Variants in SREK1IP1 observed in about 807,000 individuals in gnomAD.
SREK1IP1 encodes the protein SREK1 interacting protein 1.
SREK1IP1 carries 12 observed loss-of-function variants against 22.8 expected under a neutral mutation model. The ratio of observed to expected loss-of-function variants is 0.53; its 90% confidence interval spans 0.34 to 0.85. The LOEUF is 0.85. Among genes scored for constraint, SREK1IP1 ranks in the 40% least tolerant of loss-of-function variants. The pLI, the probability that SREK1IP1 is intolerant of heterozygous loss-of-function variation, is 0.02. For synonymous variants in SREK1IP1, 53 were observed against 52.7 expected (o/e 1.01, Z -0.02); for missense variants, 147 against 171.8 (o/e 0.86, Z 0.81).
rs1742173186 is a variant in SREK1IP1 at position 64,722,139 on chromosome 5, A to G, written c.*2245T>C. 1 of 152,176 alleles carries G rather than the reference A, an allele frequency of 6.6e-6. No individual in the cohort carries two copies. Among genetic ancestry groups the G allele is most frequent in the Non-Finnish European group, 1.5e-5 (1 of 68,018 alleles). 9.4% of individuals were successfully genotyped at this position (152,176 alleles called of 1,614,324 possible). On this transcript the variant is annotated 3_prime_UTR_variant, in exon 5 of 5. Coordinates refer to ENST00000513458, the MANE Select transcript of SREK1IP1 (RefSeq NM_173829.4). ...AAGAAAATTACTTCAGTGAAAATAA[A>G]TTTTTATTCAATTTCATAAACTATG...
At chr5:64,739,194 C>T (rs1742513892) in intron 3 of SREK1IP1, among the ~76,000 whole-genome samples, 1 of 152,078 alleles carries the variant, frequency 6.6e-6, no homozygotes, top group Admixed American at 6.6e-5. Context: ...CTTTCTGGGA[C>T]TCATTTGAGT....
In SREK1IP1 at chr5:64,722,102, A is replaced by G. The variant is rs1226995824; in HGVS notation, c.*2282T>C. The G allele has an allele frequency of 6.6e-6, 1 of 152,226 alleles. No individual in the cohort carries two copies. The highest frequency in any genetic ancestry group is 1.9e-4 in the East Asian group (1 of 5,198). The allele number at this position is 152,226 out of a possible 1,614,324, so 9.4% of individuals were successfully genotyped here. A position where few individuals can be genotyped will look rare whatever the true frequency, so the allele number is the denominator to read the frequency against. On this transcript the variant is annotated 3_prime_UTR_variant, in exon 5 of 5. Transcript: ENST00000513458. The stretch of plus-strand genomic sequence containing the variant: ...AGATTTGCATCCAATCTCAATAATA[A>G]TATCATATTAGAAGAAAATTACTTC...
intron 1 of SREK1IP1, among the ~76,000 whole-genome samples, chr5:64,763,828 T>C (rs1742992601): frequency 6.6e-6 from 1 of 152,206 alleles, no homozygotes; most frequent in East Asian, 1.9e-4. Context: ...TGGGCCACAC[T>C]TGCACTGTAC....
At chr5:64,749,451 C>A (rs1423482215) in intron 2 of SREK1IP1, among the ~76,000 whole-genome samples, 2 of 146,216 alleles carry the variant, frequency 1.4e-5, no homozygotes, top group Non-Finnish European at 3.0e-5. Context: ...TTTTTTTTTC[C>A]TTTGAGAGAG....
chr5:64,720,530 T>TA lies in SREK1IP1; in HGVS notation c.*3853dup, dbSNP rs1192475602. 2 of 147,354 alleles carry TA rather than the reference T, an allele frequency of 1.4e-5. No homozygotes were observed. Among genetic ancestry groups the TA allele is most frequent in the African/African-American group, 5.2e-5 (2 of 38,560 alleles). 9.1% of individuals were successfully genotyped at this position (147,354 alleles called of 1,614,324 possible). On this transcript the variant is annotated 3_prime_UTR_variant, in exon 5 of 5. Transcript: ENST00000513458. The stretch of plus-strand genomic sequence containing the variant: ...TTAAAATCTTTTTTTTTTTTTGAGA[T>TA]AGAGTCTCGCTCTGTCGCCCAGGCT...
rs1743113951 is a variant in SREK1IP1 at position 64,768,617 on chromosome 5, TC to T, written c.-101del. The T allele has an allele frequency of 2.6e-6, 4 of 1,568,376 alleles. No individual in the cohort carries two copies. In the African/African-American group the frequency reaches 4.1e-5, roughly 16 times the overall value. On this transcript the variant is annotated 5_prime_UTR_variant, in exon 1 of 5. Transcript: ENST00000513458. ...GGCACAGTCAAAGCGGCGTTTTCCT[TC>T]CCCCAGCGCAGCAGCACCCTCGCTA...
intron 1 of SREK1IP1, among the ~76,000 whole-genome samples, chr5:64,759,653 A>C (rs753826875): frequency 1.7e-4 from 26 of 152,202 alleles, no homozygotes; most frequent in Non-Finnish European, 3.4e-4. Context: ...ATCTCAGCAA[A>C]TCATTAAGAA....
chr5:64,767,243 C>T (rs1399137447), intron 1 of SREK1IP1, among the ~76,000 whole-genome samples: 1 of 152,224 alleles, frequency 6.6e-6, no homozygotes, highest in Non-Finnish European at 1.5e-5. Flanking sequence ...TTTGGAAAGT[C>T]CTTCTGCCCA....
intron 4 of SREK1IP1, among the ~76,000 whole-genome samples, chr5:64,725,280 A>T (rs1383664851): frequency 6.6e-6 from 1 of 152,180 alleles, no homozygotes; most frequent in Non-Finnish European, 1.5e-5. Flanking sequence ...CATAAAAAAA[A>T]GGAAAAGAAA....
intron 3 of SREK1IP1, among the ~76,000 whole-genome samples, chr5:64,734,547 C>T (rs1025914975): frequency 6.6e-6 from 1 of 151,686 alleles, no homozygotes; most frequent in Admixed American, 6.6e-5. Context: ...AAAATTGAAA[C>T]TTCCACTCAA....
intron 3 of SREK1IP1, among the ~76,000 whole-genome samples, chr5:64,731,298 A>G (rs6449749): frequency 0.067 from 10,130 of 152,014 alleles, 1,105 homozygotes; most frequent in African/African-American, 0.23. Flanking sequence ...AGGATCGCAT[A>G]AGACTCAGAG....
chr5:64,745,551 T>G (rs1742619295), intron 2 of SREK1IP1, among the ~76,000 whole-genome samples: 1 of 151,392 alleles, frequency 6.6e-6, no homozygotes, highest in Admixed American at 6.6e-5. Flanking sequence ...ATTGTGCCAC[T>G]GCACTCCAGC....
chr5:64,763,856 AC>A (rs1014060514), intron 1 of SREK1IP1, among the ~76,000 whole-genome samples: 12 of 152,278 alleles, frequency 7.9e-5, no homozygotes, highest in African/African-American at 2.6e-4. Context: ...GCACTGTCAC[AC>A]CTATTATCTC....
intron 1 of SREK1IP1, among the ~76,000 whole-genome samples, chr5:64,756,209 T>C (rs1742838213): frequency 6.6e-6 from 1 of 152,218 alleles, no homozygotes; most frequent in Non-Finnish European, 1.5e-5. Context: ...AAGTATACAA[T>C]TTAGGTGTAT....
intron 1 of SREK1IP1, among the ~76,000 whole-genome samples, chr5:64,756,204 T>C (rs1742838144): frequency 6.6e-6 from 1 of 152,362 alleles, no homozygotes; most frequent in Middle Eastern, 3.4e-3. Flanking sequence ...TTTTAAAGTA[T>C]ACAATTTAGG....
In SREK1IP1 at chr5:64,741,041, A is replaced by T; in HGVS notation, c.205+16T>A. 6.2e-7 allele frequency: 1 copy of T among 1,605,626 alleles called. No individual in the cohort carries two copies. The highest frequency in any genetic ancestry group is 8.5e-7 in the Non-Finnish European group (1 of 1,175,814). ...TTTACAAACATTTCTAAAGAATGGA[A>T]AAAAATATTGCTTACTTTTTTCCTG... On this transcript the variant is annotated intron_variant, in intron 3 of 4. Transcript: ENST00000513458.
At position 64,768,671 on chromosome 5, in the gene SREK1IP1, G is replaced by A. The variant is rs759651767; in HGVS notation, c.-154C>T. Reference sequence around the variant, plus strand: ...GTCGGGAAGGGCCTGTACGCCTCTAGCGACGGCAGAACCAGTAGATGCGGA... The same window carrying A: ...GTCGGGAAGGGCCTGTACGCCTCTAACGACGGCAGAACCAGTAGATGCGGA... On this transcript the variant is annotated 5_prime_UTR_variant, in exon 1 of 5. Transcript: ENST00000513458. 3 of 979,644 alleles carry A rather than the reference G, an allele frequency of 3.1e-6. No homozygotes were observed. Among genetic ancestry groups the A allele is most frequent in the African/African-American group, 3.2e-5 (2 of 62,088 alleles). The allele number at this position is 979,644 out of a possible 1,614,324, so 60.7% of individuals were successfully genotyped here. A position where few individuals can be genotyped will look rare whatever the true frequency, so the allele number is the denominator to read the frequency against.
intron 3 of SREK1IP1, among the ~76,000 whole-genome samples, chr5:64,740,124 A>G (rs1561386432): frequency 6.6e-6 from 1 of 152,058 alleles, no homozygotes; most frequent in Non-Finnish European, 1.5e-5. Context: ...GCTATTTTAT[A>G]CACAACGTGG....
At chr5:64,727,994 AGTT>A (rs1319250373) in intron 4 of SREK1IP1, 110 bp downstream of exon 4, 5 of 948,844 alleles carry the variant, frequency 5.3e-6, no homozygotes, top group East Asian at 5.2e-5. Context: ...TGAAAAGCTT[AGTT>A]GTTGAAGAAA....
Sources: allele counts gnomAD v4.1 joint callset (sites outside exome capture counted in the v4.1 genomes callset), GRCh38; gene constraint gnomAD v4.1.1; transcripts MANE v1.5; gene names NCBI Gene and HGNC (gene_info 2026-07-23, HGNC 2026-07-21).